Variants in CSMD1 observed in about 807,000 individuals in gnomAD.
The protein encoded by CSMD1 is CUB and Sushi multiple domains 1.
In CSMD1, 213 loss-of-function variants were observed where a neutral mutation model predicts 417.5. That is an observed-to-expected ratio of 0.51 (90% confidence interval 0.46 to 0.57). The LOEUF is 0.57. Ranked by LOEUF, CSMD1 falls within the 20% of genes least tolerant of loss-of-function variation. CSMD1 has a pLI of 0.00. For missense variants in CSMD1, 6,923 were observed against 4,529.7 expected, an observed-to-expected ratio of 1.53 and a Z score of -15.17; for synonymous variants, 2,862 against 1,736.8, an observed-to-expected ratio of 1.65 and a Z score of -16.11.
Position 3,434,307 on chromosome 8 carries a change from T to C in CSMD1, c.1562-24702A>G, listed in dbSNP as rs189463622. Among the ~76,000 whole-genome samples the C allele has an allele frequency of 3.9e-5, 6 of 152,322 alleles. No homozygotes were observed. The East Asian group carries it at 1.2e-3, about 29-fold the overall frequency. ...GATATAATCTCTAATGCAAAACTCA[T>C]CTAATTACCAGTAGATGTTCCTATA... On this transcript the variant is annotated intron_variant, in intron 12 of 69. Transcript: ENST00000635120.
intron 1 of CSMD1, among the ~76,000 whole-genome samples, chr8:4,728,528 C>G (rs1331168697): frequency 6.6e-6 from 1 of 152,094 alleles, no homozygotes; most frequent in Non-Finnish European, 1.5e-5. Context: ...AATAAATAAT[C>G]TCCCAATCTT....
intron 3 of CSMD1, among the ~76,000 whole-genome samples, chr8:4,103,868 A>G (rs982157803): frequency 6.6e-6 from 1 of 152,166 alleles, no homozygotes; most frequent in Non-Finnish European, 1.5e-5. Context: ...CTGGTGCTAT[A>G]TCTCTTGCAG....
chr8:3,366,951 C>G (rs1563316045), intron 20 of CSMD1, 81 bp downstream of exon 20: 1 of 1,071,250 alleles, frequency 9.3e-7, no homozygotes, highest in Non-Finnish European at 1.4e-6. Flanking sequence ...TACACACACA[C>G]ACACACCCAC....
At chr8:4,796,791 G>C (rs1240161385) in intron 1 of CSMD1, among the ~76,000 whole-genome samples, 6 of 152,180 alleles carry the variant, frequency 3.9e-5, no homozygotes, top group African/African-American at 1.4e-4. Context: ...CAATCACGGT[G>C]AGTAAATTCC....
chr8:4,450,771 G>T (rs887912699), intron 2 of CSMD1, among the ~76,000 whole-genome samples: 2 of 152,150 alleles, frequency 1.3e-5, no homozygotes, highest in Admixed American at 6.5e-5. Flanking sequence ...CAAATTGAAA[G>T]CAAGTATTGT....
intron 3 of CSMD1, 147 bp from the exon 4 acceptor site, chr8:4,032,246 A>T: frequency 1.7e-6 from 1 of 601,586 alleles, no homozygotes; most frequent in Non-Finnish European, 2.8e-6. Flanking sequence ...TAAAAAATAA[A>T]CTGAGAAAAT....
At chr8:4,295,656 A>T (rs907011390) in intron 3 of CSMD1, among the ~76,000 whole-genome samples, 16 of 144,996 alleles carry the variant, frequency 1.1e-4, no homozygotes, top group Admixed American at 7.7e-4. Context: ...ATAAAAATAT[A>T]ATCTTAAGAT....
At chr8:3,906,877 C>G (rs773989093) in intron 5 of CSMD1, among the ~76,000 whole-genome samples, 11 of 152,038 alleles carry the variant, frequency 7.2e-5, no homozygotes, top group Non-Finnish European at 1.0e-4. Context: ...GTATTAGTAC[C>G]AAGTCTTTCT....
At chr8:3,987,379 T>C (rs1432723903) in intron 5 of CSMD1, among the ~76,000 whole-genome samples, 4 of 152,234 alleles carry the variant, frequency 2.6e-5, no homozygotes, top group African/African-American at 7.2e-5. Flanking sequence ...GTTTATCACA[T>C]ATGCCATGAT....
At chr8:3,986,545 C>G (rs572753962) in intron 5 of CSMD1, among the ~76,000 whole-genome samples, 1 of 152,058 alleles carries the variant, frequency 6.6e-6, no homozygotes, top group African/African-American at 2.4e-5. Context: ...TCAGCAGACC[C>G]GTATAAATTA....
intron 1 of CSMD1, among the ~76,000 whole-genome samples, chr8:4,795,421 A>G (rs1174635890): frequency 6.6e-6 from 1 of 151,432 alleles, no homozygotes; most frequent in African/African-American, 2.4e-5. Flanking sequence ...ACAGGTACCC[A>G]GCACCACGCC....
intron 10 of CSMD1, among the ~76,000 whole-genome samples, chr8:3,526,565 C>T (rs1355559528): frequency 1.3e-5 from 2 of 152,266 alleles, no homozygotes; most frequent in East Asian, 1.9e-4. Flanking sequence ...GTCACTAATG[C>T]ATCATTGCCT....
At chr8:3,118,894 AT>A (rs2129019309) in intron 41 of CSMD1, among the ~76,000 whole-genome samples, 1 of 152,282 alleles carries the variant, frequency 6.6e-6, no homozygotes, top group African/African-American at 2.4e-5. Context: ...TAAGAAAGTA[AT>A]ACAGGCTGGG....
At chr8:3,563,542 TATAA>T (rs1200771246) in intron 10 of CSMD1, among the ~76,000 whole-genome samples, 3 of 146,536 alleles carry the variant, frequency 2.0e-5, no homozygotes, top group Admixed American at 6.9e-5. Flanking sequence ...TCTTAAACCA[TATAA>T]ATACACACCT....
At chr8:4,281,390 C>A (rs1796776527) in intron 3 of CSMD1, among the ~76,000 whole-genome samples, 1 of 151,996 alleles carries the variant, frequency 6.6e-6, no homozygotes, top group Non-Finnish European at 1.5e-5. Flanking sequence ...TGGTTTTTCA[C>A]CAAAAAACAG....
intron 25 of CSMD1, among the ~76,000 whole-genome samples, chr8:3,291,677 CTTTAT>C (rs1803579750): frequency 6.6e-6 from 1 of 151,996 alleles, no homozygotes; most frequent in Non-Finnish European, 1.5e-5. Flanking sequence ...GTGATATTAC[CTTTAT>C]CATTTTTTAT....
intron 1 of CSMD1, among the ~76,000 whole-genome samples, chr8:4,804,047 G>C (rs17071417): frequency 0.056 from 8,452 of 152,212 alleles, 390 homozygotes; most frequent in East Asian, 0.23. Flanking sequence ...CAACAAAACA[G>C]TATTAGGGGT....
intron 2 of CSMD1, among the ~76,000 whole-genome samples, chr8:4,524,554 T>C (rs1796412885): frequency 6.7e-6 from 1 of 150,184 alleles, no homozygotes; most frequent in Non-Finnish European, 1.5e-5. Flanking sequence ...ATGACCATTT[T>C]TCATCACACT....
chr8:3,154,588 A>G (rs1819402787), intron 39 of CSMD1, among the ~76,000 whole-genome samples: 1 of 152,202 alleles, frequency 6.6e-6, no homozygotes, highest in Non-Finnish European at 1.5e-5. Context: ...GGACACAGAC[A>G]CACCATGCTG....
Sources: allele counts gnomAD v4.1 joint callset (sites outside exome capture counted in the v4.1 genomes callset), GRCh38; gene constraint gnomAD v4.1.1; transcripts MANE v1.5; gene names NCBI Gene and HGNC (gene_info 2026-07-23, HGNC 2026-07-21).